PCGF3: variants seen among roughly 807,000 people sequenced by gnomAD.
PCGF3 encodes the protein polycomb group ring finger 3.
In PCGF3, 7 loss-of-function variants were observed where a neutral mutation model predicts 33.1. The observed-to-expected ratio is 0.21, with a 90% CI of 0.12 to 0.40. The LOEUF (loss-of-function observed/expected upper bound fraction) is 0.40, where lower values mean the gene tolerates loss of function less well. Among genes scored for constraint, PCGF3 ranks in the 10% least tolerant of loss-of-function variants. The pLI is 1.00. For synonymous variants in PCGF3, 153 were observed against 121.3 expected (o/e 1.26, Z -1.72); for missense variants, 211 against 313.3 (o/e 0.67, Z 2.46).
At chr4:734,904 C>T in intron 4 of PCGF3, 27 bp from the exon 5 acceptor site, 1 of 1,609,444 alleles carries the variant, frequency 6.2e-7, no homozygotes, top group Non-Finnish European at 8.5e-7. Flanking sequence ...TAGACGCTCT[C>T]CTAACACACC....
At chr4:752,919 G>A (rs1744591131) in intron 8 of PCGF3, among the ~76,000 whole-genome samples, 1 of 152,242 alleles carries the variant, frequency 6.6e-6, no homozygotes, top group African/African-American at 2.4e-5. Context: ...GTCTGTCCAG[G>A]GCTCTTCTGA....
At position 731,012 on chromosome 4, in the gene PCGF3, G is replaced by T. The variant is rs1165705669; in HGVS notation, c.-108G>T. On this transcript the variant is annotated 5_prime_UTR_variant, in exon 3 of 11. An upstream open reading frame in the 5' UTR gains an earlier in-frame stop. Coordinates refer to ENST00000362003, the Ensembl canonical transcript of PCGF3. ...AGGGCCGGAAGGAGGGTGCAGAAGC[G>T]AGTCCGCGTGCGGAGCCAGGAGGCA... 5.0e-6 allele frequency: 2 copies of T among 398,596 alleles called. No homozygotes were observed. Among genetic ancestry groups the T allele is most frequent in the African/African-American group, 2.1e-5 (1 of 48,764 alleles). 24.7% of individuals were successfully genotyped at this position (398,596 alleles called of 1,614,324 possible). A position where few individuals can be genotyped will look rare whatever the true frequency, so the allele number is the denominator to read the frequency against.
At chr4:731,535 A>G (rs889315247) in intron 3 of PCGF3, among the ~76,000 whole-genome samples, 14 of 145,920 alleles carry the variant, frequency 9.6e-5, no homozygotes, top group African/African-American at 3.6e-4. Context: ...CGTGGCCCTC[A>G]GGGGTGTAGG....
intron 9 of PCGF3, chr4:764,740 C>T: frequency 2.2e-6 from 1 of 449,116 alleles, no homozygotes; most frequent in South Asian, 2.9e-5. Context: ...TGGCACGGGC[C>T]TGCCCTGTAA....
chr4:758,648 C>G (rs71604320), intron 8 of PCGF3, among the ~76,000 whole-genome samples: 8,841 of 82,224 alleles, frequency 0.11, 7 homozygotes, highest in Middle Eastern at 0.23. Context: ...CTCCCGAGTT[C>G]TTCTCCTTCC....
At chr4:716,974 T>G in intron 1 of PCGF3, among the ~76,000 whole-genome samples, 1 of 136,788 alleles carries the variant, frequency 7.3e-6, no homozygotes, top group South Asian at 2.5e-4. Context: ...GCGTCGGTGC[T>G]GGGACCCTGT....
chr4:747,729 G>A (rs1337353672), intron 8 of PCGF3, among the ~76,000 whole-genome samples: 1 of 151,900 alleles, frequency 6.6e-6, no homozygotes, highest in Non-Finnish European at 1.5e-5. Context: ...CCGGGCCTCC[G>A]GGACACTCCT....
intron 1 of PCGF3, among the ~76,000 whole-genome samples, chr4:724,499 A>AT (rs1743244687): frequency 6.6e-6 from 1 of 152,140 alleles, no homozygotes; most frequent in Non-Finnish European, 1.5e-5. Flanking sequence ...TCTTTTGTTT[A>AT]TTTACTTCAT....
chr4:737,188 A>G (rs929274691), intron 5 of PCGF3, among the ~76,000 whole-genome samples: 1 of 152,064 alleles, frequency 6.6e-6, no homozygotes, highest in Non-Finnish European at 1.5e-5. Flanking sequence ...GACGTGGGGA[A>G]TCTGGGGTGT....
chr4:709,162 G>A (rs924269579), intron 1 of PCGF3, among the ~76,000 whole-genome samples: 7 of 152,186 alleles, frequency 4.6e-5, no homozygotes, highest in African/African-American at 7.2e-5. Flanking sequence ...AGAGGGTGCC[G>A]TGTGGCTGCT....
chr4:767,314 A>AT (rs200807224), exon 11 of PCGF3: 6,661 of 146,926 alleles, frequency 0.045, 195 homozygotes, highest in South Asian at 0.1. Context: ...CCACACACAC[A>AT]TTTTTTTTTT....
At chr4:743,712 G>T (rs1744193864) in intron 7 of PCGF3, 128 bp downstream of exon 7, 3 of 622,866 alleles carry the variant, frequency 4.8e-6, no homozygotes, top group Admixed American at 2.7e-5. Flanking sequence ...GAACCTGAGG[G>T]TGTGGGGCGG....
chr4:762,879 G>C (rs1401813019), intron 9 of PCGF3: 1 of 152,268 alleles, frequency 6.6e-6, no homozygotes, highest in Non-Finnish European at 1.5e-5. Flanking sequence ...TGATGTATTT[G>C]GGTGGTGATG....
At chr4:754,390 C>A (rs1744674543) in intron 8 of PCGF3, among the ~76,000 whole-genome samples, 1 of 152,222 alleles carries the variant, frequency 6.6e-6, no homozygotes, top group African/African-American at 2.4e-5. Flanking sequence ...CTGCTGCACG[C>A]CTGCTGGAAG....
Position 766,381 on chromosome 4 carries a change from C to T in PCGF3, c.*302C>T, listed in dbSNP as rs866322095. The T allele has an allele frequency of 3.5e-5, 10 of 285,318 alleles. No homozygotes were observed. In the Middle Eastern group the frequency reaches 3.0e-3, roughly 86 times the overall value. 17.7% of individuals were successfully genotyped at this position (285,318 alleles called of 1,614,324 possible). A position where few individuals can be genotyped will look rare whatever the true frequency, so the allele number is the denominator to read the frequency against. Reference sequence around the variant, plus strand: ...CACGGTTCTGAGTCACCTTCTGACACGAGCTCCCTCTGCTTGCTTTCCAGG... The same window carrying T: ...CACGGTTCTGAGTCACCTTCTGACATGAGCTCCCTCTGCTTGCTTTCCAGG... On this transcript the variant is annotated 3_prime_UTR_variant, in exon 11 of 11. Coordinates refer to ENST00000362003, the Ensembl canonical transcript of PCGF3.
exon 11 of PCGF3, chr4:767,751 A>T (rs1165060233): frequency 6.6e-6 from 1 of 152,604 alleles, no homozygotes; most frequent in Non-Finnish European, 1.5e-5. Context: ...AACTCCCAGG[A>T]CGGTTTGAGT....
At chr4:762,069 G>T in intron 9 of PCGF3, 1 of 985,408 alleles carries the variant, frequency 1.0e-6, no homozygotes, top group Non-Finnish European at 1.2e-6. Context: ...GGGTGGAGAA[G>T]TGGACAGACT....
At chr4:730,327 C>T (rs1197458759) in intron 1 of PCGF3, among the ~76,000 whole-genome samples, 1 of 152,174 alleles carries the variant, frequency 6.6e-6, no homozygotes, top group African/African-American at 2.4e-5. Context: ...AGACTCACAT[C>T]CTGCCTTCTT....
intron 8 of PCGF3, among the ~76,000 whole-genome samples, chr4:753,582 G>A (rs1211399084): frequency 6.6e-6 from 1 of 151,390 alleles, no homozygotes; most frequent in Non-Finnish European, 1.5e-5. Flanking sequence ...GGCAGAGCTT[G>A]CAGTGAGCCG....
Sources: allele counts gnomAD v4.1 joint callset (sites outside exome capture counted in the v4.1 genomes callset), GRCh38; gene constraint gnomAD v4.1.1; transcripts MANE v1.5; gene names NCBI Gene and HGNC (gene_info 2026-07-23, HGNC 2026-07-21).